Variants in BMP7 observed in about 807,000 individuals in gnomAD.
BMP7 encodes osteogenic protein 1.
Under a neutral mutation model 41.2 loss-of-function variants are expected in BMP7, and 12 were observed. The ratio of observed to expected loss-of-function variants is 0.29; its 90% confidence interval spans 0.19 to 0.47. The LOEUF (loss-of-function observed/expected upper bound fraction) is 0.47, where lower values mean the gene tolerates loss of function less well. Ranked by LOEUF, BMP7 falls within the 20% of genes least tolerant of loss-of-function variation. The pLI is 0.99. For synonymous variants in BMP7, 248 were observed against 250.0 expected, an observed-to-expected ratio of 0.99 and a Z score of 0.07; for missense variants, 467 against 606.0, an observed-to-expected ratio of 0.77 and a Z score of 2.41.
rs1284706470 is a variant in BMP7 at position 57,171,317 on chromosome 20, A to T, written c.1147-209T>A. Among the ~76,000 whole-genome samples, 1 of 152,204 alleles carries T rather than the reference A, an allele frequency of 6.6e-6. No individual in the cohort carries two copies. Among genetic ancestry groups the T allele is most frequent in the Non-Finnish European group, 1.5e-5 (1 of 68,040 alleles). Reference sequence around the variant, plus strand: ...GTTTTGCAGACAAGGGAACCAAAGCATAGAGGTTTTCACATTATACAGTGG... The same window carrying T: ...GTTTTGCAGACAAGGGAACCAAAGCTTAGAGGTTTTCACATTATACAGTGG... On this transcript the variant is annotated intron_variant, in intron 6 of 6. Transcript: ENST00000395863. This position sits in a 1 kb window ranked among gnomAD's most constrained non-coding sequence, Gnocchi z 4.5.
At chr20:57,241,428 C>T (rs1322511517) in intron 1 of BMP7, among the ~76,000 whole-genome samples, 1 of 152,194 alleles carries the variant, frequency 6.6e-6, no homozygotes, top group African/African-American at 2.4e-5. Flanking sequence ...GTAGCATTCA[C>T]CCATCTCCTC....
At chr20:57,172,154 C>G (rs1475587864) in intron 6 of BMP7, among the ~76,000 whole-genome samples, 2 of 152,154 alleles carry the variant, frequency 1.3e-5, no homozygotes, top group Admixed American at 6.5e-5. Flanking sequence ...TGTCCCCTGG[C>G]AGCCGGGGAG....
rs1983777948 is a variant in BMP7 at position 57,169,957 on chromosome 20, A to AT, written c.*1001dup. 1 of 152,138 alleles carries AT rather than the reference A, an allele frequency of 6.6e-6. No individual in the cohort carries two copies. Among genetic ancestry groups the AT allele is most frequent in the South Asian group, 2.1e-4 (1 of 4,826 alleles). 9.4% of individuals were successfully genotyped at this position (152,138 alleles called of 1,614,324 possible). ...TTTTTAGTAGAGATGGGGTTTCACC[A>AT]TGTTGGCCAGGCTGGTCTCGAACTC... is the stretch of plus-strand genomic sequence containing the variant. On this transcript the variant is annotated 3_prime_UTR_variant, in exon 7 of 7. Transcript: ENST00000395863.
intron 3 of BMP7, among the ~76,000 whole-genome samples, chr20:57,189,626 C>T (rs1406663956): frequency 6.6e-6 from 1 of 152,240 alleles, no homozygotes. Context: ...GTCGATGAAA[C>T]ACACACTGAC....
intron 1 of BMP7, among the ~76,000 whole-genome samples, chr20:57,240,634 A>AAG (rs3067103): frequency 0.26 from 39,798 of 152,050 alleles, 8,091 homozygotes; most frequent in African/African-American, 0.57. Flanking sequence ...TGGGAAGAAA[A>AAG]AGGTTTAATT....
rs1464391196 is a variant in BMP7 at position 57,266,026 on chromosome 20, G to A, written c.97C>T (p.Leu33=). 6.5e-7 allele frequency: 1 copy of A among 1,547,248 alleles called. No individual in the cohort carries two copies. Among genetic ancestry groups the A allele is most frequent in the East Asian group, 2.4e-5 (1 of 40,904 alleles). The change falls in exon 1 of 7, where the codon CTG becomes TTG. Residue 33 remains leucine, a synonymous_variant. Coordinates refer to ENST00000395863, the MANE Select transcript of BMP7 (RefSeq NM_001719.3). ...AAGCTCGAGTGCACCTCGTTGTCCA[G>A]GCTGAAGTCGGCCAGGGCGGAGCGC... ...LLRSALADFS[L]DNEVHSSFIH... is the part of the protein sequence containing the mutation.
At chr20:57,202,334 A>G in intron 3 of BMP7, 141 bp downstream of exon 3, 1 of 1,201,048 alleles carries the variant, frequency 8.3e-7, no homozygotes. Context: ...TCTGGTTTGG[A>G]TCAAAAGGCT....
chr20:57,213,738 G>A lies in BMP7; in HGVS notation c.612-11115C>T, dbSNP rs926222056. The stretch of plus-strand genomic sequence containing the variant: ...GTGGTCCTCGGGTCCCACAGTGGGT[G>A]CTCAGGGATGTAGGCTGTAGGGCTC... On this transcript the variant is annotated intron_variant, in intron 2 of 6. Transcript: ENST00000395863. This position sits in a 1 kb window ranked among gnomAD's most constrained non-coding sequence, Gnocchi z 4.4. Among the ~76,000 whole-genome samples the A allele has an allele frequency of 2.0e-5, 3 of 152,232 alleles. No homozygotes were observed. Among genetic ancestry groups the A allele is most frequent in the East Asian group, 1.9e-4 (1 of 5,190 alleles).
chr20:57,211,365 C>A (rs941146081), intron 2 of BMP7, among the ~76,000 whole-genome samples: 1 of 152,188 alleles, frequency 6.6e-6, no homozygotes, highest in Non-Finnish European at 1.5e-5. Context: ...TCTCCAGGAG[C>A]CCCACCCAAG....
intron 2 of BMP7, among the ~76,000 whole-genome samples, chr20:57,219,745 T>G (rs567558295): frequency 6.6e-5 from 10 of 152,174 alleles, no homozygotes; most frequent in Non-Finnish European, 1.2e-4. Context: ...TGAGCCAAAG[T>G]CACCCTTCGG....
intron 2 of BMP7, among the ~76,000 whole-genome samples, chr20:57,212,702 G>C (rs1984922398): frequency 1.3e-5 from 2 of 152,204 alleles, no homozygotes; most frequent in African/African-American, 4.8e-5. Flanking sequence ...GTCAGGCCGG[G>C]AAACTGCAAC....
chr20:57,258,064 G>A (rs900158129), intron 1 of BMP7, among the ~76,000 whole-genome samples: 12 of 152,120 alleles, frequency 7.9e-5, no homozygotes, highest in African/African-American at 2.7e-4. Context: ...GTTTTTATTC[G>A]TGGCCAATTT....
At chr20:57,230,929 G>C (rs927864729) in intron 1 of BMP7, among the ~76,000 whole-genome samples, 33 of 151,872 alleles carry the variant, frequency 2.2e-4, no homozygotes, top group Non-Finnish European at 4.6e-4. Context: ...CACCTGCCTC[G>C]GCCTCACAAA....
intron 1 of BMP7, among the ~76,000 whole-genome samples, chr20:57,258,731 T>C (rs1040312292): frequency 5.9e-5 from 9 of 152,280 alleles, no homozygotes; most frequent in African/African-American, 1.9e-4. Flanking sequence ...TCAAATTCCA[T>C]TGATCTCTGA....
At chr20:57,265,057 G>GAAAAGAAAA (rs1555819069) in intron 1 of BMP7, among the ~76,000 whole-genome samples, 1 of 127,950 alleles carries the variant, frequency 7.8e-6, no homozygotes, top group Non-Finnish European at 1.5e-5. Context: ...GAAAAGAAAA[G>GAAAAGAAAA]AAAAAAAAAG....
chr20:57,173,732 G>A, intron 5 of BMP7: 2 of 259,614 alleles, frequency 7.7e-6, no homozygotes, highest in Non-Finnish European at 1.5e-5. Context: ...ACAGAACGCG[G>A]CACAGGAAGG....
At position 57,190,392 on chromosome 20, in the gene BMP7, C is replaced by T. The variant is rs112662191; in HGVS notation, c.761-6473G>A. Among the ~76,000 whole-genome samples the T allele has an allele frequency of 1.2e-3, 66 of 55,336 alleles. 1 individual carries two copies. Among genetic ancestry groups the T allele is most frequent in the East Asian group, 0.011 (19 of 1,708 alleles). 36.3% of individuals were successfully genotyped at this position (55,336 alleles called of 152,430 possible). On this transcript the variant is annotated intron_variant, in intron 3 of 6. Coordinates refer to ENST00000395863, the MANE Select transcript of BMP7 (RefSeq NM_001719.3). Reference sequence around the variant, plus strand: ...GGCTGGAGAGCGTGAGTGAGGAGCCCGAGGGGGTGAGGCTGGAGAGCGTGA... The same window carrying T: ...GGCTGGAGAGCGTGAGTGAGGAGCCTGAGGGGGTGAGGCTGGAGAGCGTGA...
intron 2 of BMP7, among the ~76,000 whole-genome samples, chr20:57,218,059 G>C (rs1319398747): frequency 6.6e-6 from 1 of 152,246 alleles, no homozygotes; most frequent in African/African-American, 2.4e-5. Flanking sequence ...GGCAAGGCCA[G>C]GGCCGGCTTC....
chr20:57,206,570 G>A (rs79791427), intron 2 of BMP7, among the ~76,000 whole-genome samples: 2,251 of 152,276 alleles, frequency 0.015, 62 homozygotes, highest in African/African-American at 0.051. Context: ...TCATCACAGC[G>A]TTGTGTGGGG....
Sources: gnomAD v4.1 joint callset for allele counts (sites outside exome capture counted in the v4.1 genomes callset) on GRCh38, gnomAD v4.1.1 for gene constraint, Gnocchi (gnomAD v3.1) non-coding constraint, MANE v1.5 for transcripts, NCBI Gene and HGNC (gene_info 2026-07-23, HGNC 2026-07-21) for gene names.